Variants in PTPRT observed in about 807,000 individuals in gnomAD.
The protein encoded by PTPRT is receptor-type tyrosine-protein phosphatase T.
PTPRT carries 56 observed loss-of-function variants against 176.8 expected under a neutral mutation model. The ratio of observed to expected loss-of-function variants is 0.32; its 90% CI spans 0.26 to 0.40. The LOEUF is 0.40. Ranked by LOEUF, PTPRT falls within the 10% of genes least tolerant of loss-of-function variation. PTPRT has a pLI of 1.00. For missense variants in PTPRT, 1,540 were observed against 1,908.2 expected (o/e 0.81, Z 3.60); for synonymous variants, 783 against 739.0 (o/e 1.06, Z -0.96).
chr20:42,757,522 C>T (rs1229069652), intron 5 of PTPRT, among the ~76,000 whole-genome samples: 1 of 152,204 alleles, frequency 6.6e-6, no homozygotes, highest in Non-Finnish European at 1.5e-5. Flanking sequence ...TGGGGACACT[C>T]CGTCTTCCGT....
chr20:42,783,387 C>A (rs773067513), intron 3 of PTPRT, among the ~76,000 whole-genome samples: 53 of 149,642 alleles, frequency 3.5e-4, no homozygotes, highest in African/African-American at 1.2e-3. Context: ...AAAAAAAAAA[C>A]CCAAATCATT....
At chr20:42,925,340 C>T (rs981268272) in intron 1 of PTPRT, among the ~76,000 whole-genome samples, 1 of 152,036 alleles carries the variant, frequency 6.6e-6, no homozygotes, top group African/African-American at 2.4e-5. Flanking sequence ...ACAAAATTAA[C>T]AAAAACAAAA....
At chr20:42,286,115 A>T (rs1490591270) in intron 12 of PTPRT, among the ~76,000 whole-genome samples, 1 of 152,018 alleles carries the variant, frequency 6.6e-6, no homozygotes, top group East Asian at 1.9e-4. Context: ...TCTCATGGTC[A>T]TGGATTGGAA....
the PTPRT span, among the ~76,000 whole-genome samples, chr20:42,059,735 A>T: frequency 6.6e-6 from 1 of 152,190 alleles, no homozygotes; most frequent in Admixed American, 6.5e-5. Context: ...TCTGGGGTAC[A>T]CAAAGGAAGT....
In PTPRT at chr20:42,634,023, ATATATATAT is replaced by A. The variant is rs1428441691; in HGVS notation, c.1153+43834_1153+43842del. On this transcript the variant is annotated intron_variant, in intron 7 of 30. Transcript: ENST00000373187. ...ATTATATATATATAATATATATATA[ATATATATAT>A]TATATATATTATATATATATTATAA... 3.4e-3 allele frequency among the ~76,000 whole-genome samples: 96 copies of A among 27,850 alleles called. 3 individuals are homozygous for A. Among genetic ancestry groups the A allele is most frequent in the Admixed American group, 3.6e-3 (5 of 1,388 alleles). The allele number at this position is 27,850 out of a possible 152,430, so 18.3% of individuals were successfully genotyped here. A position where few individuals can be genotyped will look rare whatever the true frequency, so the allele number is the denominator to read the frequency against.
At chr20:42,825,690 G>T (rs1180847526) in intron 2 of PTPRT, among the ~76,000 whole-genome samples, 1 of 152,038 alleles carries the variant, frequency 6.6e-6, no homozygotes, top group African/African-American at 2.4e-5. Context: ...GACAGTGTAG[G>T]AATTAAAAAG....
intron 2 of PTPRT, among the ~76,000 whole-genome samples, chr20:42,883,842 A>ACTCC (rs1600516277): frequency 4.5e-4 from 6 of 13,202 alleles, no homozygotes; most frequent in Middle Eastern, 0.033. Flanking sequence ...ACCCCCATAC[A>ACTCC]CATAGACACA....
At chr20:42,403,099 G>A (rs1274227845) in intron 9 of PTPRT, among the ~76,000 whole-genome samples, 1 of 152,044 alleles carries the variant, frequency 6.6e-6, no homozygotes, top group Non-Finnish European at 1.5e-5. Context: ...ATACTTTCAT[G>A]TGTTACCTCC....
intron 27 of PTPRT, among the ~76,000 whole-genome samples, chr20:42,095,920 T>C (rs1050419523): frequency 6.6e-6 from 1 of 152,194 alleles, no homozygotes; most frequent in East Asian, 1.9e-4. Flanking sequence ...TTTCATCCCC[T>C]GTTCATCTGC....
At chr20:42,122,536 T>C (rs538443346) in intron 19 of PTPRT, among the ~76,000 whole-genome samples, 2 of 152,272 alleles carry the variant, frequency 1.3e-5, no homozygotes, top group African/African-American at 2.4e-5. Context: ...TTGAGTAGCT[T>C]TGGGAATAGA....
At chr20:43,100,560 T>TC (rs1366699447) in intron 1 of PTPRT, among the ~76,000 whole-genome samples, 1 of 152,052 alleles carries the variant, frequency 6.6e-6, no homozygotes, top group Non-Finnish European at 1.5e-5. Context: ...CCTGAAGGAT[T>TC]CCCCCAAGCC....
intron 1 of PTPRT, among the ~76,000 whole-genome samples, chr20:42,952,906 G>A (rs567782292): frequency 2.6e-5 from 4 of 152,142 alleles, no homozygotes; most frequent in South Asian, 4.2e-4. Flanking sequence ...TAAATGAGAC[G>A]GTGGATTCTT....
chr20:43,095,720 C>CCTCT (rs142590142), intron 1 of PTPRT, among the ~76,000 whole-genome samples: 3 of 114,678 alleles, frequency 2.6e-5, no homozygotes, highest in Middle Eastern at 4.6e-3. Flanking sequence ...TCTGTTTCTT[C>CCTCT]CTCTCTCTCT....
chr20:42,521,910 T>C (rs2072183927), intron 7 of PTPRT, among the ~76,000 whole-genome samples: 1 of 152,092 alleles, frequency 6.6e-6, no homozygotes, highest in Admixed American at 6.6e-5. Context: ...TTATTTTCTT[T>C]TGAGGTCCAA....
At chr20:42,709,710 T>C (rs1400551753) in intron 6 of PTPRT, among the ~76,000 whole-genome samples, 1 of 152,144 alleles carries the variant, frequency 6.6e-6, no homozygotes. Context: ...GAACTGGTAA[T>C]GGGCAGAGGC....
At chr20:42,871,238 C>A (rs1320424673) in intron 2 of PTPRT, among the ~76,000 whole-genome samples, 1 of 151,692 alleles carries the variant, frequency 6.6e-6, no homozygotes, top group African/African-American at 2.4e-5. Flanking sequence ...AGGCATGAAC[C>A]ACCGTGCCTG....
chr20:42,205,548 G>C (rs1320395707), intron 15 of PTPRT, among the ~76,000 whole-genome samples: 2 of 152,100 alleles, frequency 1.3e-5, no homozygotes, highest in African/African-American at 2.4e-5. Context: ...CCCAGGATTT[G>C]GACTCTGCAA....
At chr20:42,602,165 C>G (rs745709852) in intron 7 of PTPRT, among the ~76,000 whole-genome samples, 1 of 152,178 alleles carries the variant, frequency 6.6e-6, no homozygotes, top group Non-Finnish European at 1.5e-5. Flanking sequence ...GCTTTTCCCA[C>G]AACTCTGGGC....
chr20:42,231,363 T>C (rs1179665150), intron 15 of PTPRT, among the ~76,000 whole-genome samples: 2 of 152,176 alleles, frequency 1.3e-5, no homozygotes, highest in African/African-American at 4.8e-5. Context: ...CCTGCTGCAT[T>C]CTGGCTGTGA....
Sources: gnomAD v4.1 joint callset for allele counts (sites outside exome capture counted in the v4.1 genomes callset) on GRCh38, gnomAD v4.1.1 for gene constraint, MANE v1.5 for transcripts, NCBI Gene and HGNC (gene_info 2026-07-23, HGNC 2026-07-21) for gene names.